BMP8A: variants seen among roughly 807,000 people sequenced by gnomAD.
BMP8A encodes the protein bone morphogenetic protein 8a.
A neutral mutation model predicts 36.8 loss-of-function variants in BMP8A; 14 were observed. That is an observed-to-expected ratio of 0.38 (90% CI 0.25 to 0.60). The LOEUF (loss-of-function observed/expected upper bound fraction) is 0.60, where lower values mean the gene tolerates loss of function less well. Ranked by LOEUF, BMP8A falls within the 20% of genes least tolerant of loss-of-function variation. The pLI is 0.63. For synonymous variants in BMP8A, 120 were observed against 237.7 expected (o/e 0.50, Z 4.55); for missense variants, 267 against 551.1 (o/e 0.48, Z 5.16).
intron 1 of BMP8A, among the ~76,000 whole-genome samples, chr1:39,505,652 T>G (rs1187937751): frequency 6.6e-6 from 1 of 152,098 alleles, no homozygotes; most frequent in East Asian, 1.9e-4. Flanking sequence ...AAACTCAAAT[T>G]GAGGGGCATG....
chr1:39,527,334 G>C lies in BMP8A; in HGVS notation c.*1536G>C, dbSNP rs1201326215. Among the ~76,000 whole-genome samples the C allele has an allele frequency of 6.6e-6, 1 of 152,146 alleles. No individual in the cohort carries two copies. The highest frequency in any genetic ancestry group is 1.5e-5 in the Non-Finnish European group (1 of 68,020). Reference sequence around the variant, plus strand: ...GAGTTGGAGTGTTTATTTGATTTCTGACTTGCTAAGCCTGTAATTTACCTG... The same window carrying C: ...GAGTTGGAGTGTTTATTTGATTTCTCACTTGCTAAGCCTGTAATTTACCTG... On this transcript the variant is annotated 3_prime_UTR_variant, in exon 7 of 7. Coordinates refer to ENST00000331593, the MANE Select transcript of BMP8A (RefSeq NM_181809.4).
Position 39,523,294 on chromosome 1 carries a change from A to G in BMP8A, c.1059+177A>G, listed in dbSNP as rs180773137. Among the ~76,000 whole-genome samples the G allele has an allele frequency of 3.6e-3, 541 of 152,244 alleles. 3 individuals are homozygous for G. Among genetic ancestry groups the G allele is most frequent in the African/African-American group, 0.012 (509 of 41,540 alleles). ...CAGCTCTGCAGGAACTGGTCCTCAT[A>G]CAGCCACACTACTACACATAGACCC... On this transcript the variant is annotated intron_variant, in intron 6 of 6. Coordinates refer to ENST00000331593, the MANE Select transcript of BMP8A (RefSeq NM_181809.4).
In BMP8A at chr1:39,526,998, C is replaced by T. The variant is rs1645489666; in HGVS notation, c.*1200C>T. Among the ~76,000 whole-genome samples the T allele has an allele frequency of 6.6e-6, 1 of 152,220 alleles. No individual in the cohort carries two copies. The highest frequency in any genetic ancestry group is 6.5e-5 in the Admixed American group (1 of 15,286). On this transcript the variant is annotated 3_prime_UTR_variant, in exon 7 of 7. Transcript: ENST00000331593. ...GCATTGTCAATAAGACCTCAGTTCC[C>T]CCTCCTGCCCCACTGCAGAGCAATC...
chr1:39,500,593 T>G (rs1335025142), intron 1 of BMP8A, among the ~76,000 whole-genome samples: 1 of 151,268 alleles, frequency 6.6e-6, no homozygotes, highest in Non-Finnish European at 1.5e-5. Context: ...TATTCCATCT[T>G]GTGTTGCTGT....
At chr1:39,492,567 G>T (rs111875245) in intron 1 of BMP8A, among the ~76,000 whole-genome samples, 22 of 152,310 alleles carry the variant, frequency 1.4e-4, no homozygotes, top group African/African-American at 2.2e-4. Flanking sequence ...CCTTCACCCT[G>T]CCCCAGACAC....
chr1:39,504,568 G>A (rs997927073), intron 1 of BMP8A, among the ~76,000 whole-genome samples: 1 of 152,162 alleles, frequency 6.6e-6, no homozygotes, highest in Non-Finnish European at 1.5e-5. Flanking sequence ...TAATCTCAGG[G>A]TCGTGGGTTC....
chr1:39,503,413 C>T (rs1645269478), intron 1 of BMP8A, among the ~76,000 whole-genome samples: 1 of 151,676 alleles, frequency 6.6e-6, no homozygotes, highest in African/African-American at 2.4e-5. Flanking sequence ...GCAAGGTGAG[C>T]CAAGAGTTCA....
intron 6 of BMP8A, chr1:39,523,532 T>C (rs1180459871): frequency 1.4e-6 from 2 of 1,380,356 alleles, no homozygotes; most frequent in Non-Finnish European, 1.9e-6. Flanking sequence ...GTGCGCACAG[T>C]GTGTGGGGTG....
intron 1 of BMP8A, among the ~76,000 whole-genome samples, chr1:39,493,427 C>T (rs1645179071): frequency 6.6e-6 from 1 of 152,252 alleles, no homozygotes; most frequent in African/African-American, 2.4e-5. Context: ...GGAAGCCTGA[C>T]TGTCCATCCA....
chr1:39,503,148 A>G (rs181896761), intron 1 of BMP8A, among the ~76,000 whole-genome samples: 2 of 152,090 alleles, frequency 1.3e-5, no homozygotes, highest in East Asian at 1.9e-4. Context: ...GGAAATAGAA[A>G]ATCACTATTC....
chr1:39,524,542 C>T lies in BMP8A; in HGVS notation c.1060-1107C>T, dbSNP rs1317034245. On this transcript the variant is annotated intron_variant, in intron 6 of 6. Transcript: ENST00000331593. The surrounding 1 kb of genome is among the most constrained non-coding windows in gnomAD (Gnocchi z 4.0). ...TGCAAGGCCCTAAGACAGGAGCAGG[C>T]TGGCCCTAAGTTCAGGGCCAGCAGG... 1.3e-5 allele frequency among the ~76,000 whole-genome samples: 2 copies of T among 152,098 alleles called. No individual in the cohort carries two copies. Among genetic ancestry groups the T allele is most frequent in the East Asian group, 3.9e-4 (2 of 5,184 alleles).
intron 1 of BMP8A, among the ~76,000 whole-genome samples, chr1:39,494,413 C>T (rs1158259971): frequency 2.1e-5 from 3 of 145,606 alleles, no homozygotes; most frequent in South Asian, 2.1e-4. Flanking sequence ...TGTAGTGGTG[C>T]GATTATAGCT....
intron 1 of BMP8A, among the ~76,000 whole-genome samples, chr1:39,505,169 G>T (rs1219389558): frequency 6.6e-6 from 1 of 152,082 alleles, no homozygotes; most frequent in Admixed American, 6.6e-5. Flanking sequence ...CCCTTTACAG[G>T]TGTCAGACTG....
At chr1:39,518,095 T>TTGTGTG (rs71844778) in intron 3 of BMP8A, among the ~76,000 whole-genome samples, 14 of 151,222 alleles carry the variant, frequency 9.3e-5, no homozygotes, top group Non-Finnish European at 5.9e-5. Context: ...AAAATTAAGA[T>TTGTGTG]TGTGTGTGTG....
chr1:39,492,319 A>C lies in BMP8A; in HGVS notation c.328A>C (p.Asn110His), dbSNP rs537676198. 2.5e-5 allele frequency: 39 copies of C among 1,557,446 alleles called. 1 individual carries two copies. The South Asian group carries it at 4.3e-4, about 17-fold the overall frequency. Residue 110 changes from asparagine (N) to histidine (H), a missense_variant, in exon 1 of 7, where the codon AAC becomes CAC. Physicochemically the swap from Asn to His is moderately conservative, Grantham distance 68. Around this residue, in one of 7 missense-constraint regions of BMP8A, gnomAD observed 37 missense variants for 39.5 expected, o/e 0.94. Transcript: ENST00000331593. ...CGCCGACCTGGTCATGAGCTTCGTCAACATGGGTGAGTGCGGCCGCCCGCG... is the reference window on the plus strand; with the variant it reads ...CGCCGACCTGGTCATGAGCTTCGTCCACATGGGTGAGTGCGGCCGCCCGCG... ...GRADLVMSFVNMVERDRALGH... is the reference protein window; with the variant it reads ...GRADLVMSFVHMVERDRALGH...
intron 3 of BMP8A, among the ~76,000 whole-genome samples, chr1:39,518,098 T>C (rs891066822): frequency 7.1e-5 from 10 of 140,488 alleles, no homozygotes; most frequent in African/African-American, 2.9e-4. Flanking sequence ...ATTAAGATTG[T>C]GTGTGTGTGT....
At chr1:39,504,892 AG>A (rs1395880550) in intron 1 of BMP8A, among the ~76,000 whole-genome samples, 1 of 151,758 alleles carries the variant, frequency 6.6e-6, no homozygotes, top group African/African-American at 2.4e-5. Context: ...AAAAAGTTTA[AG>A]GAAAGTTGCC....
At chr1:39,507,717 A>T (rs1439549438) in intron 1 of BMP8A, among the ~76,000 whole-genome samples, 2 of 152,174 alleles carry the variant, frequency 1.3e-5, no homozygotes, top group African/African-American at 4.8e-5. Context: ...ATTCACTGAC[A>T]AGGAAATGCT....
At chr1:39,496,454 A>G (rs577539754) in intron 1 of BMP8A, among the ~76,000 whole-genome samples, 420 of 151,250 alleles carry the variant, frequency 2.8e-3, no homozygotes, top group Non-Finnish European at 4.7e-3. Flanking sequence ...TGACGCCAAC[A>G]CCTGATCTCA....
Sources: allele counts gnomAD v4.1 joint callset (sites outside exome capture counted in the v4.1 genomes callset), GRCh38; gene constraint gnomAD v4.1.1; regional missense constraint gnomAD v4.1.1; non-coding constraint Gnocchi (gnomAD v3.1); transcripts MANE v1.5; gene names NCBI Gene and HGNC (gene_info 2026-07-23, HGNC 2026-07-21).